Variants in GSN observed in about 807,000 individuals in gnomAD.
The protein encoded by GSN is gelsolin, also known as actin-depolymerizing factor.
A neutral mutation model predicts 85.7 loss-of-function variants in GSN; 56 were observed. That is an observed-to-expected ratio of 0.65 (90% CI 0.53 to 0.82). The LOEUF (loss-of-function observed/expected upper bound fraction) is 0.82, where lower values mean the gene tolerates loss of function less well. Ranked by LOEUF, GSN falls within the 40% of genes least tolerant of loss-of-function variation. The probability of loss-of-function intolerance (pLI) is 0.00; values close to 1 mark genes in which losing one functional copy is unlikely to be tolerated. For synonymous variants in GSN, 373 were observed against 399.1 expected, an observed-to-expected ratio of 0.93 and a Z score of 0.78; for missense variants, 857 against 979.8, an observed-to-expected ratio of 0.87 and a Z score of 1.67.
intron 1 of GSN, among the ~76,000 whole-genome samples, chr9:121,208,888 A>T (rs1354627939): frequency 1.3e-5 from 2 of 152,210 alleles, no homozygotes; most frequent in Non-Finnish European, 2.9e-5. Context: ...CTGATGTTAA[A>T]CCCTGAGGCC....
At chr9:121,303,713 C>T (rs912270978) in intron 4 of GSN, among the ~76,000 whole-genome samples, 1 of 152,180 alleles carries the variant, frequency 6.6e-6, no homozygotes, top group Admixed American at 6.5e-5. Flanking sequence ...TTGTACCTGC[C>T]CTACAGGGCT....
Position 121,332,716 on chromosome 9 carries a change from GTGT to G in GSN, c.*118_*120del, listed in dbSNP as rs1218653012. ...CTGCTATGAGTGTGTGTGTGTGTGT[GTGT>G]TGTTTCTTTTTTTTTTTTTTACAGT... On this transcript the variant is annotated 3_prime_UTR_variant, in exon 18 of 18. Coordinates refer to ENST00000432226, the MANE Select transcript of GSN (RefSeq NM_198252.3). The surrounding 1 kb of genome is among the most constrained non-coding windows in gnomAD (Gnocchi z 4.8). 4.1e-6 allele frequency: 3 copies of G among 723,276 alleles called. No individual in the cohort carries two copies. Among genetic ancestry groups the G allele is most frequent in the African/African-American group, 3.6e-5 (2 of 55,508 alleles). The allele number at this position is 723,276 out of a possible 1,614,324, so 44.8% of individuals were successfully genotyped here. A position where few individuals can be genotyped will look rare whatever the true frequency, so the allele number is the denominator to read the frequency against.
chr9:121,312,413 C>G lies in GSN; in HGVS notation c.588C>G (p.Ile196Met). Residue 196 changes from isoleucine (I) to methionine (M), a missense_variant, in exon 6 of 18, where the codon ATC (isoleucine) becomes ATG (methionine). Coordinates refer to ENST00000432226, the MANE Select transcript of GSN (RefSeq NM_198252.3). ...AGGCCACACAGGTGTCCAAGGGCAT[C>G]CGGGACAACGAGCGGAGTGGCCGGG... The part of the protein sequence containing the change: ...RLKATQVSKG[I>M]RDNERSGRAR... 6.2e-7 allele frequency: 1 copy of G among 1,614,078 alleles called. No homozygotes were observed.
At chr9:121,247,492 T>C (rs974275286) in intron 5 of GSN, among the ~76,000 whole-genome samples, 2 of 152,196 alleles carry the variant, frequency 1.3e-5, no homozygotes, top group African/African-American at 2.4e-5. Context: ...CCATAAGTAG[T>C]TGCAAACTGA....
chr9:121,281,355 C>G (rs2057343221), intron 1 of GSN, 115 bp from the exon 2 acceptor site: 1 of 348,864 alleles, frequency 2.9e-6, no homozygotes, highest in Admixed American at 4.0e-5. Flanking sequence ...TGTGCAAGTA[C>G]TGATTGTGTG....
chr9:121,320,281 G>A (rs1323070796), intron 10 of GSN, among the ~76,000 whole-genome samples: 1 of 152,220 alleles, frequency 6.6e-6, no homozygotes, highest in Non-Finnish European at 1.5e-5. Flanking sequence ...CCAGAACGCT[G>A]CGGAGACCTG....
intron 2 of GSN, chr9:121,282,000 C>G (rs770042506): frequency 2.1e-6 from 1 of 473,564 alleles, no homozygotes; most frequent in South Asian, 1.5e-5. Context: ...ACTTGTTGAC[C>G]AGAGGAGGAG....
At chr9:121,285,843 C>T (rs541853234) in intron 2 of GSN, among the ~76,000 whole-genome samples, 1 of 152,318 alleles carries the variant, frequency 6.6e-6, no homozygotes, top group Admixed American at 6.5e-5. Context: ...GGAAAAGGGC[C>T]TCCTCTCCAC....
intron 6 of GSN, among the ~76,000 whole-genome samples, chr9:121,257,529 A>C (rs747882732): frequency 2.0e-5 from 3 of 152,164 alleles, no homozygotes; most frequent in Non-Finnish European, 4.4e-5. Context: ...TTGAACTCTC[A>C]AGAATTCTAG....
chr9:121,319,158 AG>A (rs1291130824), intron 10 of GSN, among the ~76,000 whole-genome samples: 1 of 152,182 alleles, frequency 6.6e-6, no homozygotes, highest in Non-Finnish European at 1.5e-5. Flanking sequence ...GAGGGAGCAC[AG>A]GGGATTGTGC....
upstream of GSN, chr9:121,207,765 T>C (rs1002787817): frequency 1.3e-5 from 2 of 148,744 alleles, no homozygotes; most frequent in Non-Finnish European, 3.0e-5. Flanking sequence ...CTTCTCTCTT[T>C]TTTTTTTTTC....
At chr9:121,269,953 A>G (rs1191586982) in intron 1 of GSN, among the ~76,000 whole-genome samples, 1 of 152,238 alleles carries the variant, frequency 6.6e-6, no homozygotes, top group African/African-American at 2.4e-5. Flanking sequence ...GGAAGAGGAC[A>G]GAGCTCTCTG....
At chr9:121,258,127 G>C (rs1237231681) in intron 6 of GSN, among the ~76,000 whole-genome samples, 1 of 152,190 alleles carries the variant, frequency 6.6e-6, no homozygotes, top group East Asian at 1.9e-4. Context: ...TCAGACTGTT[G>C]TCAGTCCTAT....
rs200255784 is a variant in GSN, at chr9:121,317,237, G to A, written c.886+19G>A. 13 of 1,613,556 alleles carry A rather than the reference G, an allele frequency of 8.1e-6. No individual in the cohort carries two copies. Among genetic ancestry groups the A allele is most frequent in the East Asian group, 2.2e-5 (1 of 44,890 alleles). On this transcript the variant is annotated intron_variant, in intron 8 of 17. Coordinates refer to ENST00000432226, the MANE Select transcript of GSN (RefSeq NM_198252.3). The stretch of plus-strand genomic sequence containing the variant: ...TGGAAAGGTACTGGAGACAGGGAAA[G>A]GGTCCCAACTGGCCTGTAGGATCTT...
chr9:121,296,840 C>G (rs779939694), intron 2 of GSN, among the ~76,000 whole-genome samples: 1 of 152,226 alleles, frequency 6.6e-6, no homozygotes, highest in Non-Finnish European at 1.5e-5. Context: ...TCCCAGAGGG[C>G]AAGGGTGGGG....
At chr9:121,213,614 G>C (rs994556249) in intron 4 of GSN, among the ~76,000 whole-genome samples, 10 of 152,206 alleles carry the variant, frequency 6.6e-5, no homozygotes. Context: ...CTGAGATCTT[G>C]GCAAATTAGC....
intron 2 of GSN, among the ~76,000 whole-genome samples, chr9:121,291,052 A>G (rs565878722): frequency 1.3e-5 from 2 of 151,624 alleles, no homozygotes; most frequent in South Asian, 4.2e-4. Flanking sequence ...CAGAAATATT[A>G]AAAAAAAATA....
chr9:121,213,142 C>T (rs187953974), intron 4 of GSN, among the ~76,000 whole-genome samples: 6 of 152,260 alleles, frequency 3.9e-5, no homozygotes, highest in Admixed American at 1.3e-4. Context: ...GCTCGATACC[C>T]GGCCTAAGTA....
intron 6 of GSN, among the ~76,000 whole-genome samples, chr9:121,260,797 C>T (rs2055066939): frequency 6.6e-6 from 1 of 151,698 alleles, no homozygotes. Flanking sequence ...CTACTGCTGA[C>T]AACAGTGATG....
Sources: allele counts gnomAD v4.1 joint callset (sites outside exome capture counted in the v4.1 genomes callset), GRCh38; gene constraint gnomAD v4.1.1; non-coding constraint Gnocchi (gnomAD v3.1); transcripts MANE v1.5; gene names NCBI Gene and HGNC (gene_info 2026-07-23, HGNC 2026-07-21).